NFASC: variants seen among roughly 807,000 people sequenced by gnomAD.
The protein encoded by NFASC is neurofascin homolog.
Under a neutral mutation model 147.5 loss-of-function variants are expected in NFASC, and 43 were observed. That is an observed-to-expected ratio of 0.29 (90% CI 0.23 to 0.38). NFASC has a LOEUF of 0.38. Among genes scored for constraint, NFASC ranks in the 10% least tolerant of loss-of-function variants. The pLI is 1.00. For synonymous variants in NFASC, 622 were observed against 665.5 expected (o/e 0.93, Z 1.01); for missense variants, 1,320 against 1,689.0 (o/e 0.78, Z 3.83).
rs531923260 is a variant in NFASC, at chr1:204,938,837, A to G, written c.-90-5389A>G. On this transcript the variant is annotated intron_variant, in intron 2 of 29. Transcript: ENST00000339876. ...CTACAACCTGATTTGGCCCCTGCCT[A>G]GAAGATTGAGGGCCCGGGAATCTGT... Among the ~76,000 whole-genome samples the G allele has an allele frequency of 3.3e-5, 5 of 152,326 alleles. No homozygotes were observed. In the South Asian group the frequency reaches 1.0e-3, roughly 32 times the overall value.
At chr1:204,990,578 A>AAT (rs1282808160) in intron 23 of NFASC, 1 of 151,114 alleles carries the variant, frequency 6.6e-6, no homozygotes, top group Non-Finnish European at 1.5e-5. Context: ...AAAAAAAAAA[A>AAT]AGAAAAAGAA....
intron 23 of NFASC, 146 bp downstream of exon 23, chr1:204,988,952 C>A: frequency 2.8e-6 from 2 of 722,326 alleles, no homozygotes; most frequent in South Asian, 3.4e-5. Context: ...GAGAACCCAT[C>A]TTATGTGTGA....
At chr1:205,012,905 C>T (rs1217609222) in intron 29 of NFASC, 39 bp downstream of exon 29, 11 of 1,462,610 alleles carry the variant, frequency 7.5e-6, no homozygotes, top group Non-Finnish European at 1.1e-5. Context: ...GCAGGCTGTC[C>T]TCCCTGTCCC....
intron 8 of NFASC, among the ~76,000 whole-genome samples, chr1:204,964,493 G>C (rs921278921): frequency 6.6e-6 from 1 of 152,246 alleles, no homozygotes; most frequent in African/African-American, 2.4e-5. Context: ...AACAAAAGCT[G>C]TTCAAATCCT....
chr1:204,920,481 A>G (rs1192981445), intron 1 of NFASC, among the ~76,000 whole-genome samples, 151 bp from the exon 2 acceptor site: 1 of 143,448 alleles, frequency 7.0e-6, no homozygotes, highest in Non-Finnish European at 1.5e-5. Context: ...TTGAACAAAG[A>G]TGCTGTTATG....
In NFASC at chr1:205,020,426, T is replaced by C. The variant is rs1035864210; in HGVS notation, c.*3887T>C. On this transcript the variant is annotated 3_prime_UTR_variant, in exon 30 of 30. Transcript: ENST00000339876. Reference sequence around the variant, plus strand: ...CCAACATTGTCTTGGAGAGGGTTAGTCCACATCCAAGTTGCGTGAGATAAG... The same window carrying C: ...CCAACATTGTCTTGGAGAGGGTTAGCCCACATCCAAGTTGCGTGAGATAAG... 6.6e-6 allele frequency: 1 copy of C among 152,258 alleles called. No homozygotes were observed. Among genetic ancestry groups the C allele is most frequent in the Non-Finnish European group, 1.5e-5 (1 of 68,070 alleles). 9.4% of individuals were successfully genotyped at this position (152,258 alleles called of 1,614,324 possible). A position where few individuals can be genotyped will look rare whatever the true frequency, so the allele number is the denominator to read the frequency against.
intron 1 of NFASC, among the ~76,000 whole-genome samples, chr1:204,855,084 A>T (rs1373510698): frequency 6.6e-6 from 1 of 152,218 alleles, no homozygotes; most frequent in Non-Finnish European, 1.5e-5. Flanking sequence ...AGGCTCCATC[A>T]GTGAGTGAGG....
At chr1:204,895,952 A>G (rs1322676) in intron 1 of NFASC, among the ~76,000 whole-genome samples, 4,401 of 152,236 alleles carry the variant, frequency 0.029, 81 homozygotes, top group South Asian at 0.044. Flanking sequence ...CCAACCTGTA[A>G]GAGGTTGAGA....
intron 1 of NFASC, among the ~76,000 whole-genome samples, chr1:204,864,308 C>G (rs1044418181): frequency 1.3e-5 from 2 of 152,200 alleles, no homozygotes; most frequent in Non-Finnish European, 2.9e-5. Flanking sequence ...CTGTTGTGAA[C>G]AATGCTGCAG....
rs1403099576 is a variant in NFASC at position 204,944,219 on chromosome 1, T to C, written c.-90-7T>C. 6.4e-7 allele frequency: 1 copy of C among 1,553,306 alleles called. No individual in the cohort carries two copies. Among genetic ancestry groups the C allele is most frequent in the Non-Finnish European group, 8.7e-7 (1 of 1,151,144 alleles). ...AAACTCACTTGCTCTTATGTTTCTT[T>C]CCACAGCTGAGTGCTGTCCAGGAGG... On this transcript the variant is annotated splice_region_variant and splice_polypyrimidine_tract_variant and intron_variant, in intron 2 of 29. Coordinates refer to ENST00000339876, the MANE Select transcript of NFASC (RefSeq NM_001005388.3).
Position 204,981,987 on chromosome 1 carries a change from C to A in NFASC, c.2437C>A (p.Pro813Thr). The change falls in exon 21 of 30, where the codon CCA (proline) becomes ACA (threonine). Residue 813 changes from proline (P) to threonine (T), a missense_variant. Physicochemically the swap from Pro to Thr is conservative, Grantham distance 38. This residue lies in a region of NFASC where 981 missense variants were observed against 1,289.5 expected (regional missense o/e 0.76). Coordinates refer to ENST00000339876, the MANE Select transcript of NFASC (RefSeq NM_001005388.3). ...AENDFGKGPEPESVIGYSGED... is the reference protein window; with the variant it reads ...AENDFGKGPETESVIGYSGED... ...AAATGACTTCGGGAAGGGCCCTGAG[C>A]CAGAGTCCGTCATCGGTTACTCCGG... is the stretch of plus-strand genomic sequence containing the variant. 1 of 1,596,670 alleles carries A rather than the reference C, an allele frequency of 6.3e-7. No individual in the cohort carries two copies. The highest frequency in any genetic ancestry group is 8.5e-7 in the Non-Finnish European group (1 of 1,171,800).
At position 204,974,680 on chromosome 1, in the gene NFASC, A is replaced by G. The variant is rs748094301; in HGVS notation, c.1415A>G (p.Asn472Ser). The G allele has an allele frequency of 5.0e-6, 8 of 1,614,096 alleles. No individual in the cohort carries two copies. Among genetic ancestry groups the G allele is most frequent in the Admixed American group, 1.7e-5 (1 of 60,002 alleles). Residue 472 changes from asparagine to serine, a missense_variant, in exon 14 of 30, where the codon AAC (asparagine) becomes AGC (serine). This residue lies in a region of NFASC where 981 missense variants were observed against 1,289.5 expected (regional missense o/e 0.76). Transcript: ENST00000339876. ...AGGTTTAAGAATGGGCAAGGAAGCA[A>G]CCTGGATGGTGGCAACTACCATGTT... is the stretch of plus-strand genomic sequence containing the variant. ...LRWFKNGQGS[N>S]LDGGNYHVYE...
chr1:204,918,797 G>A (rs1022119124), intron 1 of NFASC, among the ~76,000 whole-genome samples: 3 of 151,966 alleles, frequency 2.0e-5, no homozygotes, highest in East Asian at 1.9e-4. Flanking sequence ...TGTTGGTCAG[G>A]CTGGTCTCGA....
chr1:204,853,603 T>C (rs559629665), intron 1 of NFASC, among the ~76,000 whole-genome samples: 1 of 152,324 alleles, frequency 6.6e-6, no homozygotes, highest in African/African-American at 2.4e-5. Flanking sequence ...GGGAGACCTT[T>C]GTTGGGTATA....
chr1:204,989,032 A>G, intron 23 of NFASC: 1 of 572,638 alleles, frequency 1.7e-6, no homozygotes, highest in Non-Finnish European at 3.1e-6. Context: ...CTGGGTCCCC[A>G]CTTGCCCTGA....
intron 1 of NFASC, among the ~76,000 whole-genome samples, chr1:204,867,316 C>G (rs1288160404): frequency 2.6e-5 from 4 of 151,958 alleles, no homozygotes; most frequent in African/African-American, 9.7e-5. Context: ...GGCATATGTG[C>G]CCACAAACAC....
chr1:204,934,187 T>C lies in NFASC; in HGVS notation c.-90-10039T>C, dbSNP rs1175962851. Among the ~76,000 whole-genome samples the C allele has an allele frequency of 2.0e-5, 3 of 149,992 alleles. No homozygotes were observed. In the East Asian group the frequency reaches 5.9e-4, roughly 29 times the overall value. ...GAGAAACTTGAAGATGTTTCTCTGC[T>C]GAGGCAGAGAGCCAGTTGAGAAGAG... is the stretch of plus-strand genomic sequence containing the variant. On this transcript the variant is annotated intron_variant, in intron 2 of 29. Transcript: ENST00000339876.
intron 7 of NFASC, 126 bp from the exon 8 acceptor site, chr1:204,957,530 G>T: frequency 1.3e-6 from 1 of 778,200 alleles, no homozygotes; most frequent in South Asian, 1.7e-5. Flanking sequence ...GAGAGGATTA[G>T]ACCAAGTAAT....
At chr1:204,868,724 G>A (rs566365890) in intron 1 of NFASC, among the ~76,000 whole-genome samples, 3 of 152,340 alleles carry the variant, frequency 2.0e-5, no homozygotes, top group African/African-American at 4.8e-5. Flanking sequence ...GCTCAGAGCA[G>A]GCAGAGAACA....
Sources: allele counts gnomAD v4.1 joint callset (sites outside exome capture counted in the v4.1 genomes callset), GRCh38; gene constraint gnomAD v4.1.1; regional missense constraint gnomAD v4.1.1; transcripts MANE v1.5; gene names NCBI Gene and HGNC (gene_info 2026-07-23, HGNC 2026-07-21).